VAV3: variants seen among roughly 807,000 people sequenced by gnomAD.
The protein encoded by VAV3 is vav guanine nucleotide exchange factor 3.
Under a neutral mutation model 131.2 loss-of-function variants are expected in VAV3, and 94 were observed. The ratio of observed to expected loss-of-function variants is 0.72; its 90% CI spans 0.61 to 0.85. The LOEUF (loss-of-function observed/expected upper bound fraction) is 0.85, where lower values mean the gene tolerates loss of function less well. Among genes scored for constraint, VAV3 ranks in the 40% least tolerant of loss-of-function variants. The pLI is 0.00. For synonymous variants in VAV3, 349 were observed against 342.0 expected, an observed-to-expected ratio of 1.02 and a Z score of -0.22; for missense variants, 939 against 1,002.7, an observed-to-expected ratio of 0.94 and a Z score of 0.86.
At chr1:107,705,354 G>GAAA (rs376720993) in intron 15 of VAV3, among the ~76,000 whole-genome samples, 2 of 129,448 alleles carry the variant, frequency 1.5e-5, no homozygotes, top group Non-Finnish European at 1.6e-5. Context: ...AACCTGCCTG[G>GAAA]AAAAAAAAAA....
Position 107,777,213 on chromosome 1 carries a change from T to A in VAV3, c.446+18A>T, listed in dbSNP as rs746058992. 6.2e-7 allele frequency: 1 copy of A among 1,612,454 alleles called. No individual in the cohort carries two copies. Among genetic ancestry groups the A allele is most frequent in the Non-Finnish European group, 8.5e-7 (1 of 1,178,564 alleles). On this transcript the variant is annotated intron_variant, in intron 4 of 26. Coordinates refer to ENST00000370056, the MANE Select transcript of VAV3 (RefSeq NM_006113.5). ...TAAATTGGCAGTGGCTAAATTTTGC[T>A]TGAAATTTTCAACATACTCTATTAA... is the stretch of plus-strand genomic sequence containing the variant.
intron 25 of VAV3, among the ~76,000 whole-genome samples, chr1:107,587,072 C>T (rs1296665049): frequency 4.6e-5 from 7 of 152,026 alleles, no homozygotes; most frequent in Non-Finnish European, 7.4e-5. Context: ...TGCCTAGATA[C>T]AAGAAGAGTT....
rs189310285 is a variant in VAV3 at position 107,782,170 on chromosome 1, A to G, written c.322-2678T>C. ...TAACAAGAAAAATAGCAATAGCAGT[A>G]CTACGGTTATGTCTTTTATTATTGC... On this transcript the variant is annotated intron_variant, in intron 2 of 26. Coordinates refer to ENST00000370056, the MANE Select transcript of VAV3 (RefSeq NM_006113.5). Among the ~76,000 whole-genome samples the G allele has an allele frequency of 2.0e-3, 299 of 152,324 alleles. 2 individuals are homozygous for G. The highest frequency in any genetic ancestry group is 5.6e-3 in the Admixed American group (86 of 15,304).
At chr1:107,718,280 G>A (rs115296196) in intron 15 of VAV3, among the ~76,000 whole-genome samples, 1 of 152,102 alleles carries the variant, frequency 6.6e-6, no homozygotes, top group African/African-American at 2.4e-5. Context: ...CCTGTTCACA[G>A]ATGACATGAT....
intron 20 of VAV3, among the ~76,000 whole-genome samples, chr1:107,638,077 T>G (rs1160765426): frequency 6.6e-6 from 1 of 152,184 alleles, no homozygotes; most frequent in Non-Finnish European, 1.5e-5. Flanking sequence ...ATGAAGGGCA[T>G]TTATGAGAAA....
chr1:107,898,971 T>C (rs1277572225), intron 1 of VAV3, among the ~76,000 whole-genome samples: 1 of 152,138 alleles, frequency 6.6e-6, no homozygotes, highest in Non-Finnish European at 1.5e-5. Flanking sequence ...ACTAAGGATG[T>C]AGAGATGAAC....
At chr1:107,779,163 A>C (rs1237218250) in intron 3 of VAV3, among the ~76,000 whole-genome samples, 9 of 146,520 alleles carry the variant, frequency 6.1e-5, no homozygotes, top group Admixed American at 6.9e-5. Flanking sequence ...ATGTTGGAGG[A>C]AAGTTAAAAA....
At chr1:107,692,543 C>A (rs956303529) in intron 17 of VAV3, among the ~76,000 whole-genome samples, 1 of 152,156 alleles carries the variant, frequency 6.6e-6, no homozygotes, top group Non-Finnish European at 1.5e-5. Context: ...GATAAAATGC[C>A]TAGCAGTAGA....
chr1:107,618,593 C>G (rs1226485189), intron 20 of VAV3, among the ~76,000 whole-genome samples: 1 of 152,154 alleles, frequency 6.6e-6, no homozygotes, highest in Non-Finnish European at 1.5e-5. Context: ...ATGTGCTAGA[C>G]ACTGCTCTGA....
intron 19 of VAV3, among the ~76,000 whole-genome samples, chr1:107,651,791 TATA>T (rs1411529507): frequency 2.0e-5 from 3 of 152,062 alleles, no homozygotes; most frequent in Non-Finnish European, 4.4e-5. Flanking sequence ...TAATAAATTA[TATA>T]ATAAGTTTCC....
chr1:107,596,333 C>T lies in VAV3; in HGVS notation c.2229G>A (p.Val743=), dbSNP rs1469642913. 8.1e-6 allele frequency: 13 copies of T among 1,609,256 alleles called. No homozygotes were observed. Among genetic ancestry groups the T allele is most frequent in the Non-Finnish European group, 1.0e-5 (12 of 1,178,384 alleles). ...NRKFKSLMEL[V]EYYKHHSLKE... ...TGAGAGAATGATGCTTGTAGTACTC[C>T]ACAAGTTCCTTTGGAAAAAAGAATC... Residue 743 remains valine, a synonymous_variant, in exon 25 of 27, where the codon GTG becomes GTA. Transcript: ENST00000370056.
chr1:107,727,489 C>T (rs2101950316), intron 15 of VAV3, among the ~76,000 whole-genome samples: 1 of 152,246 alleles, frequency 6.6e-6, no homozygotes, highest in South Asian at 2.1e-4. Flanking sequence ...CTCCAAACAC[C>T]TTTATGAAAT....
intron 1 of VAV3, among the ~76,000 whole-genome samples, chr1:107,877,616 T>G (rs1159885686): frequency 6.6e-6 from 1 of 152,226 alleles, no homozygotes; most frequent in African/African-American, 2.4e-5. Context: ...TCAGATCTAC[T>G]AAATTCCACA....
intron 22 of VAV3, among the ~76,000 whole-genome samples, chr1:107,608,147 ATAT>A (rs1394103887): frequency 7.6e-6 from 1 of 131,320 alleles, no homozygotes; most frequent in Non-Finnish European, 1.7e-5. Context: ...TATAAGAATA[ATAT>A]TATTCTAACT....
At chr1:107,823,661 A>C (rs537181857) in intron 2 of VAV3, among the ~76,000 whole-genome samples, 1 of 152,198 alleles carries the variant, frequency 6.6e-6, no homozygotes, top group Non-Finnish European at 1.5e-5. Context: ...GTATCTCCAC[A>C]AAACTCCTAT....
At chr1:107,766,372 T>A (rs566387641) in intron 8 of VAV3, 75 bp downstream of exon 8, 4 of 938,020 alleles carry the variant, frequency 4.3e-6, no homozygotes, top group Non-Finnish European at 4.9e-6. Flanking sequence ...TAATAGCTAT[T>A]TGTTAGCTAT....
At position 107,673,155 on chromosome 1, in the gene VAV3, C is replaced by G. The variant is rs116421203; in HGVS notation, c.1777+10333G>C. On this transcript the variant is annotated intron_variant, in intron 19 of 26. Coordinates refer to ENST00000370056, the MANE Select transcript of VAV3 (RefSeq NM_006113.5). Reference sequence around the variant, plus strand: ...TGTTCAACAATAAATTATACTAAAACCCACTTCCTTTTTTCTGAAGAGTAT... The same window carrying G: ...TGTTCAACAATAAATTATACTAAAAGCCACTTCCTTTTTTCTGAAGAGTAT... Among the ~76,000 whole-genome samples the G allele has an allele frequency of 2.7e-3, 418 of 152,242 alleles. 2 individuals carry two copies. Among genetic ancestry groups the G allele is most frequent in the African/African-American group, 9.7e-3 (403 of 41,538 alleles).
chr1:107,955,519 A>C (rs1210740238), intron 1 of VAV3, among the ~76,000 whole-genome samples: 1 of 152,126 alleles, frequency 6.6e-6, no homozygotes, highest in Non-Finnish European at 1.5e-5. Flanking sequence ...TAAGGAAAAA[A>C]AACTGCAAAA....
At chr1:107,931,395 T>C (rs562989554) in intron 1 of VAV3, among the ~76,000 whole-genome samples, 35 of 152,340 alleles carry the variant, frequency 2.3e-4, no homozygotes, top group African/African-American at 8.2e-4. Context: ...CCTATAAGTA[T>C]GCACAATTAT....
Sources: gnomAD v4.1 joint callset for allele counts (sites outside exome capture counted in the v4.1 genomes callset) on GRCh38, gnomAD v4.1.1 for gene constraint, MANE v1.5 for transcripts, NCBI Gene and HGNC (gene_info 2026-07-23, HGNC 2026-07-21) for gene names.